The following HACE1 variants were observed in gnomAD, a reference collection of about 807,000 sequenced individuals.
The protein encoded by HACE1 is HECT domain and ankyrin repeat containing E3 ubiquitin protein ligase 1, also known as E3 ubiquitin-protein ligase HACE1.
In HACE1, 73 loss-of-function variants were observed where a neutral mutation model predicts 118.4. That is an observed-to-expected ratio of 0.62 (90% CI 0.51 to 0.75). HACE1 has a LOEUF of 0.75. Among genes scored for constraint, HACE1 ranks in the 30% least tolerant of loss-of-function variants. The pLI, the probability that HACE1 is intolerant of heterozygous loss-of-function variation, is 0.00. For missense variants in HACE1, 749 were observed against 1,102.2 expected (o/e 0.68, Z 4.54); for synonymous variants, 368 against 374.8 (o/e 0.98, Z 0.21).
intron 4 of HACE1, among the ~76,000 whole-genome samples, chr6:104,848,017 T>A (rs1222368099): frequency 6.6e-6 from 1 of 151,700 alleles, no homozygotes; most frequent in Non-Finnish European, 1.5e-5. Flanking sequence ...ATGCCTGGAT[T>A]ATTTTTGTAT....
chr6:104,772,014 C>A lies in HACE1; in HGVS notation c.1925G>T (p.Arg642Leu). Residue 642 changes from arginine (R) to leucine (L), a missense_variant, in exon 18 of 24, where the codon CGG becomes CTG. By Grantham distance (102) the Arg-to-Leu change is moderately radical. Around this residue, in one of 5 missense-constraint regions of HACE1, gnomAD observed 195 missense variants for 322.1 expected, o/e 0.61. Coordinates refer to ENST00000262903, the MANE Select transcript of HACE1 (RefSeq NM_020771.4). ...YVNPDHLNYF[R>L]FAGQILGLAL... ...TAATCCCAAGATCTGCCCAGCAAAC[C>A]GAAAATAGTTCAAGTGATCAGGATT... is the stretch of plus-strand genomic sequence containing the variant. 6.2e-7 allele frequency: 1 copy of A among 1,609,544 alleles called. No homozygotes were observed. Among genetic ancestry groups the A allele is most frequent in the Non-Finnish European group, 8.5e-7 (1 of 1,176,130 alleles).
intron 22 of HACE1, among the ~76,000 whole-genome samples, chr6:104,735,820 T>C (rs944675354): frequency 1.3e-5 from 2 of 152,018 alleles, no homozygotes; most frequent in African/African-American, 2.4e-5. Flanking sequence ...CCCACAAGGA[T>C]AGAAGCACAA....
At chr6:104,802,277 A>ATG (rs1409943953) in intron 7 of HACE1, among the ~76,000 whole-genome samples, 1 of 152,160 alleles carries the variant, frequency 6.6e-6, no homozygotes, top group Non-Finnish European at 1.5e-5. Context: ...GGGAGACTTA[A>ATG]ACACCCCACT....
At chr6:104,817,995 G>C (rs763677431) in intron 6 of HACE1, among the ~76,000 whole-genome samples, 1 of 152,148 alleles carries the variant, frequency 6.6e-6, no homozygotes, top group Admixed American at 6.5e-5. Flanking sequence ...TGGTGATCAT[G>C]ACTTAACAAA....
At position 104,852,228 on chromosome 6, in the gene HACE1, T is replaced by TGTGTGTGTGCGC. The variant is rs142463116; in HGVS notation, c.131+88_131+89insGCGCACACACAC. 51 of 661,222 alleles carry TGTGTGTGTGCGC rather than the reference T, an allele frequency of 7.7e-5. No homozygotes were observed. The African/African-American group carries it at 1.1e-3, about 14-fold the overall frequency. The allele number at this position is 661,222 out of a possible 1,614,324, so 41.0% of individuals were successfully genotyped here. On this transcript the variant is annotated intron_variant, in intron 2 of 23. Coordinates refer to ENST00000262903, the MANE Select transcript of HACE1 (RefSeq NM_020771.4). ...GTGTGTGTGTGTGTGTGTGTGTGTG[T>TGTGTGTGTGCGC]GCGCGCGTGCGCGTGCACGGGCATG...
chr6:104,850,892 T>G lies in HACE1; in HGVS notation c.221+15A>C, dbSNP rs368488221. On this transcript the variant is annotated intron_variant, in intron 3 of 23. Transcript: ENST00000262903. The stretch of plus-strand genomic sequence containing the variant: ...CCCTAGATCAGAGTTTAACTCAAAA[T>G]ATCTTTAGTCTTACTTTGCTGCAAT... 4 of 1,478,750 alleles carry G rather than the reference T, an allele frequency of 2.7e-6. No individual in the cohort carries two copies. The highest frequency in any genetic ancestry group is 3.8e-6 in the Non-Finnish European group (4 of 1,056,592). The allele number at this position is 1,478,750 out of a possible 1,614,324, so 91.6% of individuals were successfully genotyped here.
At position 104,742,639 on chromosome 6, in the gene HACE1, G is replaced by A. The variant is rs200439270; in HGVS notation, c.2513+1521C>T. On this transcript the variant is annotated intron_variant, in intron 22 of 23. Coordinates refer to ENST00000262903, the MANE Select transcript of HACE1 (RefSeq NM_020771.4). ...ACCGTCTCACACCAGTTAGAATGGC[G>A]ATCATTAAAAAGTCAGGAAACAACA... is the stretch of plus-strand genomic sequence containing the variant. 6.9e-4 allele frequency among the ~76,000 whole-genome samples: 104 copies of A among 150,986 alleles called. 1 individual carries two copies. Among genetic ancestry groups the A allele is most frequent in the African/African-American group, 1.3e-3 (54 of 40,820 alleles).
chr6:104,784,978 T>TAA lies in HACE1; in HGVS notation c.1409+6_1409+7insTT. ...AAAAAAAAAATAATAAGCCAAAACT[T>TAA]TCTTACCCCGGAGGCATCTGACAAG... On this transcript the variant is annotated splice_region_variant and intron_variant, in intron 12 of 23. Coordinates refer to ENST00000262903, the MANE Select transcript of HACE1 (RefSeq NM_020771.4). The TAA allele has an allele frequency of 6.3e-7, 1 of 1,599,202 alleles. No homozygotes were observed. Among genetic ancestry groups the TAA allele is most frequent in the Non-Finnish European group, 8.6e-7 (1 of 1,167,960 alleles).
At chr6:104,758,885 A>G (rs1419413350) in intron 19 of HACE1, among the ~76,000 whole-genome samples, 1 of 152,170 alleles carries the variant, frequency 6.6e-6, no homozygotes, top group African/African-American at 2.4e-5. Context: ...AAAAAAAAAA[A>G]AGCAGGGGTT....
intron 5 of HACE1, among the ~76,000 whole-genome samples, chr6:104,842,887 G>A (rs1049594140): frequency 2.6e-5 from 4 of 152,158 alleles, no homozygotes; most frequent in Admixed American, 2.6e-4. Context: ...TGAGACAGGT[G>A]AATCACTTGA....
At chr6:104,832,146 CCTCA>C (rs998918693) in intron 6 of HACE1, among the ~76,000 whole-genome samples, 10 of 152,180 alleles carry the variant, frequency 6.6e-5, no homozygotes, top group African/African-American at 2.4e-4. Flanking sequence ...TGCTCACTTT[CCTCA>C]CTATCTAATC....
At chr6:104,752,272 T>C (rs180737659) in intron 19 of HACE1, among the ~76,000 whole-genome samples, 12 of 152,276 alleles carry the variant, frequency 7.9e-5, no homozygotes, top group Admixed American at 7.2e-4. Flanking sequence ...GAGACAGAAA[T>C]GTGTACCCAA....
At chr6:104,783,987 C>A in intron 14 of HACE1, 99 bp downstream of exon 14, 1 of 733,350 alleles carries the variant, frequency 1.4e-6, no homozygotes. Context: ...CCTCTTACAA[C>A]AGAATGTCTG....
chr6:104,758,145 C>T (rs1178417762), intron 19 of HACE1, among the ~76,000 whole-genome samples: 2 of 152,122 alleles, frequency 1.3e-5, no homozygotes, highest in Non-Finnish European at 2.9e-5. Flanking sequence ...TCCAGGAGAA[C>T]TTCCCCAACC....
chr6:104,824,514 TTTA>T (rs1446268223), intron 6 of HACE1, among the ~76,000 whole-genome samples: 1 of 152,214 alleles, frequency 6.6e-6, no homozygotes, highest in Non-Finnish European at 1.5e-5. Flanking sequence ...ACTCTGAGCA[TTTA>T]TTAAGTTAAA....
intron 4 of HACE1, among the ~76,000 whole-genome samples, chr6:104,848,499 A>G (rs1399401530): frequency 3.3e-5 from 5 of 151,930 alleles, no homozygotes; most frequent in African/African-American, 1.2e-4. Context: ...AAGTTCTTCA[A>G]GTCCTGAATC....
chr6:104,800,220 C>A (rs977767544), intron 7 of HACE1, among the ~76,000 whole-genome samples: 5 of 152,154 alleles, frequency 3.3e-5, no homozygotes, highest in African/African-American at 1.2e-4. Context: ...GAAGCTCAAA[C>A]TAGGCGGAGC....
At chr6:104,819,993 G>C (rs548203179) in intron 6 of HACE1, among the ~76,000 whole-genome samples, 1 of 151,902 alleles carries the variant, frequency 6.6e-6, no homozygotes, top group Non-Finnish European at 1.5e-5. Flanking sequence ...TCAAGAGTTC[G>C]AGACCACCCT....
Position 104,782,013 on chromosome 6 carries a change from T to C in HACE1, c.1566+2073A>G, listed in dbSNP as rs372758596. 3.4e-4 allele frequency among the ~76,000 whole-genome samples: 51 copies of C among 148,182 alleles called. No individual in the cohort carries two copies. The East Asian group carries it at 9.8e-3, about 29-fold the overall frequency. On this transcript the variant is annotated intron_variant, in intron 14 of 23. Coordinates refer to ENST00000262903, the MANE Select transcript of HACE1 (RefSeq NM_020771.4). ...CAGTATTAGGTTGGTGCAAAAGTAA[T>C]TGCGGTTTTTGCTATTTTAATTTGA... is the stretch of plus-strand genomic sequence containing the variant.
Sources: allele counts gnomAD v4.1 joint callset (sites outside exome capture counted in the v4.1 genomes callset), GRCh38; gene constraint gnomAD v4.1.1; regional missense constraint gnomAD v4.1.1; transcripts MANE v1.5; gene names NCBI Gene and HGNC (gene_info 2026-07-23, HGNC 2026-07-21).